The following AFF1 variants were observed in gnomAD, a reference collection of about 807,000 sequenced individuals.
The protein encoded by AFF1 is ALF transcription elongation factor 1.
AFF1 carries 48 observed loss-of-function variants against 121.7 expected under a neutral mutation model. That is an observed-to-expected ratio of 0.39 (90% CI 0.31 to 0.50). The LOEUF is 0.50. AFF1 is among the 20% of genes least tolerant of loss of function. The pLI is 0.76. For missense variants in AFF1, 1,523 were observed against 1,511.7 expected (o/e 1.01, Z -0.12); for synonymous variants, 613 against 563.0 (o/e 1.09, Z -1.26).
At chr4:87,118,706 G>A (rs912831562) in intron 12 of AFF1, among the ~76,000 whole-genome samples, 3 of 152,102 alleles carry the variant, frequency 2.0e-5, no homozygotes, top group Non-Finnish European at 4.4e-5. Flanking sequence ...GGCTGGTCTT[G>A]AGCTCTGGGC....
At chr4:87,038,743 A>G (rs569544822) in intron 2 of AFF1, among the ~76,000 whole-genome samples, 1 of 152,292 alleles carries the variant, frequency 6.6e-6, no homozygotes, top group East Asian at 1.9e-4. Context: ...AATAAGACTT[A>G]ATCCTTTCCA....
At chr4:87,131,942 G>T in intron 18 of AFF1, 78 bp downstream of exon 18, 9 of 1,255,226 alleles carry the variant, frequency 7.2e-6, no homozygotes, top group Non-Finnish European at 9.7e-6. Context: ...TCTGAAATTT[G>T]TTTTCTTAAT....
chr4:87,106,106 GGCGT>G lies in AFF1; in HGVS notation c.1376+264_1376+267del, dbSNP rs1725885227. On this transcript the variant is annotated intron_variant, in intron 10 of 20. Transcript: ENST00000395146. The stretch of plus-strand genomic sequence containing the variant: ...AAGATTTTTAAGAGTTTACAGGCTG[GGCGT>G]GCTAGCTCACGCCTGTAATCCCAGC... Among the ~76,000 whole-genome samples the G allele has an allele frequency of 3.3e-5, 5 of 152,280 alleles. No individual in the cohort carries two copies. In the South Asian group the frequency reaches 1.0e-3, roughly 32 times the overall value.
At chr4:86,971,411 C>T (rs1722938202) in intron 2 of AFF1, among the ~76,000 whole-genome samples, 1 of 152,180 alleles carries the variant, frequency 6.6e-6, no homozygotes, top group South Asian at 2.1e-4. Flanking sequence ...AATTCTGAGT[C>T]AGTATGAGTT....
intron 2 of AFF1, among the ~76,000 whole-genome samples, chr4:87,010,469 G>A (rs1726627605): frequency 6.6e-6 from 1 of 152,072 alleles, no homozygotes; most frequent in African/African-American, 2.4e-5. Flanking sequence ...ACTTCCTTGT[G>A]GAAATTGCAA....
rs1560671646 is a variant in AFF1, at chr4:87,137,691, G to C, written c.*1990G>C. The C allele has an allele frequency of 8.6e-6, 2 of 232,622 alleles. No homozygotes were observed. Among genetic ancestry groups the C allele is most frequent in the African/African-American group, 4.4e-5 (2 of 45,410 alleles). The allele number at this position is 232,622 out of a possible 1,614,324, so 14.4% of individuals were successfully genotyped here. A position where few individuals can be genotyped will look rare whatever the true frequency, so the allele number is the denominator to read the frequency against. ...TGAACAGTAATTGCCTGGTAGGTTTGGTGTGTGTGTAGCATTGTGTGTCCA... is the reference window on the plus strand; with the variant it reads ...TGAACAGTAATTGCCTGGTAGGTTTCGTGTGTGTGTAGCATTGTGTGTCCA... On this transcript the variant is annotated 3_prime_UTR_variant, in exon 21 of 21. Transcript: ENST00000395146.
chr4:87,000,605 CTGTGTGTGTGTGTGTGTGTGTGTG>C (rs57615388), intron 2 of AFF1, among the ~76,000 whole-genome samples: 3 of 146,490 alleles, frequency 2.0e-5, no homozygotes, highest in East Asian at 4.0e-4. Flanking sequence ...AAAATAAACT[CTGTGTGTGTGTGTGTGTGTGTGTG>C]TGTGTGTGTG....
chr4:86,960,587 G>A (rs548689331), intron 2 of AFF1, among the ~76,000 whole-genome samples: 2 of 152,306 alleles, frequency 1.3e-5, no homozygotes, highest in South Asian at 4.1e-4. Flanking sequence ...CTTTGAGTAT[G>A]ATCAAAACGT....
chr4:86,991,000 A>G (rs1724658071), intron 2 of AFF1, among the ~76,000 whole-genome samples: 1 of 152,064 alleles, frequency 6.6e-6, no homozygotes, highest in South Asian at 2.1e-4. Flanking sequence ...AAAAATGTAA[A>G]AATTAGCTGG....
chr4:87,031,433 G>T (rs1321057789), intron 2 of AFF1, among the ~76,000 whole-genome samples: 2 of 148,680 alleles, frequency 1.3e-5, no homozygotes, highest in East Asian at 3.9e-4. Context: ...ATCACTCTTA[G>T]CATATGTTTT....
chr4:87,035,662 AG>A (rs1729496977), intron 2 of AFF1, among the ~76,000 whole-genome samples: 1 of 152,160 alleles, frequency 6.6e-6, no homozygotes, highest in Non-Finnish European at 1.5e-5. Flanking sequence ...TATGATTTTT[AG>A]AAAAATCAGT....
chr4:86,985,743 T>C (rs973212434), intron 2 of AFF1, among the ~76,000 whole-genome samples: 2 of 151,770 alleles, frequency 1.3e-5, no homozygotes, highest in Non-Finnish European at 2.9e-5. Flanking sequence ...TTTTGGAAAA[T>C]GGCAGGGAAC....
chr4:87,068,681 T>C (rs1052166999), intron 4 of AFF1, among the ~76,000 whole-genome samples: 1 of 152,228 alleles, frequency 6.6e-6, no homozygotes, highest in African/African-American at 2.4e-5. Flanking sequence ...CAAATATTGC[T>C]AAGCAACGGT....
intron 2 of AFF1, among the ~76,000 whole-genome samples, chr4:87,002,435 T>C (rs896929529): frequency 6.9e-6 from 1 of 144,100 alleles, no homozygotes; most frequent in Non-Finnish European, 1.5e-5. Flanking sequence ...GTTTTTTTTT[T>C]TTTTTTTTTT....
intron 2 of AFF1, among the ~76,000 whole-genome samples, chr4:86,960,739 G>A (rs1190341535): frequency 1.3e-5 from 2 of 152,054 alleles, no homozygotes; most frequent in Non-Finnish European, 1.5e-5. Context: ...GTAAACTCTC[G>A]TTGTGTAGTC....
At chr4:87,076,148 C>T (rs1398879948) in intron 4 of AFF1, among the ~76,000 whole-genome samples, 1 of 152,130 alleles carries the variant, frequency 6.6e-6, no homozygotes, top group South Asian at 2.1e-4. Context: ...CTACCCCCTT[C>T]TTCTAGGTTC....
chr4:87,011,087 A>G (rs1726700555), intron 2 of AFF1, among the ~76,000 whole-genome samples: 1 of 150,544 alleles, frequency 6.6e-6, no homozygotes, highest in Admixed American at 6.6e-5. Context: ...TCAAAAAAAA[A>G]AAAAAAAAAA....
At chr4:87,049,097 G>GAAA (rs1731014425) in intron 4 of AFF1, among the ~76,000 whole-genome samples, 1 of 5,038 alleles carries the variant, frequency 2.0e-4, no homozygotes, top group South Asian at 6.0e-3. Context: ...AAAAAAAAAG[G>GAAA]GGGGGGGGGG....
chr4:87,022,726 GTATA>G (rs112913685), intron 2 of AFF1, among the ~76,000 whole-genome samples: 8 of 147,118 alleles, frequency 5.4e-5, no homozygotes, highest in East Asian at 4.0e-4. Flanking sequence ...GTGTATATAT[GTATA>G]TATATCTGTG....
Sources: allele counts gnomAD v4.1 joint callset (sites outside exome capture counted in the v4.1 genomes callset), GRCh38; gene constraint gnomAD v4.1.1; transcripts MANE v1.5; gene names NCBI Gene and HGNC (gene_info 2026-07-23, HGNC 2026-07-21).